Variants in NEB observed in about 807,000 individuals in gnomAD.
The protein encoded by NEB is nebulin.
Under a neutral mutation model 952.2 loss-of-function variants are expected in NEB, and 512 were observed. The observed-to-expected ratio is 0.54, with a 90% CI of 0.50 to 0.58. The LOEUF (loss-of-function observed/expected upper bound fraction) is 0.58, where lower values mean the gene tolerates loss of function less well. NEB is among the 20% of genes least tolerant of loss of function. The probability of loss-of-function intolerance (pLI) is 0.00; values close to 1 mark genes in which losing one functional copy is unlikely to be tolerated. For missense variants in NEB, 8,428 were observed against 9,231.1 expected (o/e 0.91, Z 3.56); for synonymous variants, 2,900 against 3,149.8 (o/e 0.92, Z 2.66).
In NEB at chr2:151,696,663, G is replaced by T; in HGVS notation, c.1543C>A (p.Gln515Lys). 1 of 1,613,728 alleles carries T rather than the reference G, an allele frequency of 6.2e-7. No individual in the cohort carries two copies. Among genetic ancestry groups the T allele is most frequent in the South Asian group, 1.1e-5 (1 of 91,080 alleles). ...VTDSPVLLQA[Q>K]VNSKQLSDLN... is the part of the protein sequence containing the mutation. The stretch of plus-strand genomic sequence containing the variant: ...TCACTCAGTTGTTTGGAATTGACTT[G>T]GGCTTGTAGCAGAACAGGAGAGTCT... Residue 515 changes from glutamine (Q) to lysine (K), a missense_variant, in exon 17 of 182, where the codon CAA becomes AAA. Gln to Lys is a moderately conservative substitution (Grantham distance 53). This residue lies in a region of NEB where 2,851 missense variants were observed against 2,791.5 expected (regional missense o/e 1.02). Coordinates refer to ENST00000397345, the MANE Select transcript of NEB (RefSeq NM_001164508.2).
At chr2:151,664,021 AT>A (rs5835375) in intron 44 of NEB, among the ~76,000 whole-genome samples, 162 bp from the exon 45 acceptor site, 143,368 of 151,008 alleles carry the variant, frequency 0.95, 68,440 homozygotes, top group East Asian at 1. Context: ...TTTTTACTTC[AT>A]TTTTTTTTTT....
In NEB at chr2:151,527,629, T is replaced by C. The variant is rs549712411; in HGVS notation, c.21736-44A>G. On this transcript the variant is annotated intron_variant, in intron 146 of 181. Transcript: ENST00000397345. ...AAAGGAATCACTTGATTCAGTAGGCTAAATTCATAAACACACACATGGCAC... is the reference window on the plus strand; with the variant it reads ...AAAGGAATCACTTGATTCAGTAGGCCAAATTCATAAACACACACATGGCAC... The C allele has an allele frequency of 1.6e-5, 22 of 1,403,538 alleles. No individual in the cohort carries two copies. In the African/African-American group the frequency reaches 3.0e-4, roughly 19 times the overall value. The allele number at this position is 1,403,538 out of a possible 1,614,324, so 86.9% of individuals were successfully genotyped here.
chr2:151,496,283 A>G lies in NEB; in HGVS notation c.24479T>C (p.Ile8160Thr), dbSNP rs776955893. ...MERVKHNQEN[I>T]SSVLYKENVG... ...TCTTTTCTCGCCAAGTACCGAGCTA[A>G]TATTTTCTTGATTGTGTTTGACTCG... The change falls in exon 173 of 182, where the codon ATT becomes ACT. Residue 8160 changes from isoleucine to threonine, a missense_variant. Ile to Thr is a moderately conservative substitution (Grantham distance 89). Coordinates refer to ENST00000397345, the MANE Select transcript of NEB (RefSeq NM_001164508.2). 1 of 1,607,988 alleles carries G rather than the reference A, an allele frequency of 6.2e-7. No individual in the cohort carries two copies. Among genetic ancestry groups the G allele is most frequent in the South Asian group, 1.1e-5 (1 of 90,202 alleles).
intron 176 of NEB, 95 bp from the exon 177 acceptor site, chr2:151,492,589 G>C (rs1360938481): frequency 1.1e-6 from 1 of 884,156 alleles, no homozygotes; most frequent in African/African-American, 1.7e-5. Flanking sequence ...GCTGGTGAGG[G>C]ACGCTTGGGT....
chr2:151,489,901 T>C, intron 181 of NEB, 70 bp downstream of exon 181: 1 of 1,217,172 alleles, frequency 8.2e-7, no homozygotes, highest in Middle Eastern at 1.9e-4. Context: ...TAATACCTAA[T>C]ACTTATAATC....
intron 30 of NEB, 131 bp from the exon 31 acceptor site, chr2:151,680,153 ATATT>A: frequency 4.3e-6 from 3 of 701,578 alleles, no homozygotes; most frequent in Non-Finnish European, 4.9e-6. Flanking sequence ...GTGCATTTGC[ATATT>A]CATGTGCAAA....
intron 168 of NEB, chr2:151,499,646 G>A: frequency 3.3e-6 from 1 of 305,660 alleles, no homozygotes; most frequent in South Asian, 4.0e-5. Flanking sequence ...AGGAATTAAG[G>A]AAAAAAATAC....
intron 153 of NEB, among the ~76,000 whole-genome samples, chr2:151,523,221 T>A (rs1284839439): frequency 6.6e-6 from 1 of 152,218 alleles, no homozygotes; most frequent in Non-Finnish European, 1.5e-5. Flanking sequence ...TTCAAATACT[T>A]ATACAATTCC....
intron 10 of NEB, among the ~76,000 whole-genome samples, chr2:151,715,306 A>C (rs2099756169): frequency 1.3e-5 from 2 of 152,248 alleles, no homozygotes. Context: ...TGTAATCAAC[A>C]TAAAAATATT....
chr2:151,570,209 G>C lies in NEB; in HGVS notation c.17302C>G (p.Leu5768Val). The stretch of plus-strand genomic sequence containing the variant: ...AGAGCCTGGGAATTTTTAGAGTGCA[G>C]GATGGAAAGCATGTCCACAGGGCTC... ...IQSPVDMLSI[L>V]HSKNSQALVS... is the part of the protein sequence containing the mutation. Residue 5768 changes from leucine to valine, a missense_variant, in exon 109 of 182, where the codon CTG becomes GTG. This residue lies in a region of NEB where 3,374 missense variants were observed against 3,651.5 expected (regional missense o/e 0.92). Transcript: ENST00000397345. 1 of 1,613,782 alleles carries C rather than the reference G, an allele frequency of 6.2e-7. No individual in the cohort carries two copies. Among genetic ancestry groups the C allele is most frequent in the Non-Finnish European group, 8.5e-7 (1 of 1,179,810 alleles).
At chr2:151,544,813 G>T (rs538774800) in intron 135 of NEB, among the ~76,000 whole-genome samples, 34 of 152,348 alleles carry the variant, frequency 2.2e-4, no homozygotes, top group Middle Eastern at 3.4e-3. Context: ...AGGATGAAAT[G>T]GCCTGGAAGC....
rs754222791 is a variant in NEB, at chr2:151,548,382, C to G, written c.20083G>C (p.Ala6695Pro). 6 of 1,613,542 alleles carry G rather than the reference C, an allele frequency of 3.7e-6. No homozygotes were observed. In the East Asian group the frequency reaches 1.3e-4, roughly 36 times the overall value. Residue 6695 changes from alanine (A) to proline (P), a missense_variant, in exon 131 of 182, where the codon GCA (alanine) becomes CCA (proline). Ala to Pro is a conservative substitution (Grantham distance 27, BLOSUM62 -1). Around this residue, in one of 11 missense-constraint regions of NEB, gnomAD observed 3,374 missense variants for 3,651.5 expected, o/e 0.92. Transcript: ENST00000397345. ...KYKEAYEHTKAYGYTLGPKDV... is the reference protein window; with the variant it reads ...KYKEAYEHTKPYGYTLGPKDV... ...TTGGGGCCAAGTGTATACCCATATG[C>G]CTTGGTGTGTTCATAGGCTTCTTTG... is the stretch of plus-strand genomic sequence containing the variant.
Position 151,666,273 on chromosome 2 carries a change from C to CT in NEB, c.4847dup (p.Tyr1618LeufsTer2). 1 of 1,613,894 alleles carries CT rather than the reference C, an allele frequency of 6.2e-7. No individual in the cohort carries two copies. Among genetic ancestry groups the CT allele is most frequent in the Non-Finnish European group, 8.5e-7 (1 of 1,179,842 alleles). On this transcript the variant is annotated frameshift_variant, in exon 41 of 182. Coordinates refer to ENST00000397345, the MANE Select transcript of NEB (RefSeq NM_001164508.2). LOFTEE classifies it high-confidence loss of function. ...ACTTGGTCTTGCTGGCTTCATAGCC[C>CT]TTTTTGTACTCACGATCAGACTGGA... is the stretch of plus-strand genomic sequence containing the variant.
At chr2:151,564,181 A>T (rs1334888098) in intron 117 of NEB, among the ~76,000 whole-genome samples, 2 of 151,926 alleles carry the variant, frequency 1.3e-5, no homozygotes, top group Non-Finnish European at 2.9e-5. Flanking sequence ...TTGAGACAGA[A>T]TCTTGCTCCA....
At chr2:151,534,733 G>T (rs1023385445) in intron 142 of NEB, among the ~76,000 whole-genome samples, 2 of 152,122 alleles carry the variant, frequency 1.3e-5, no homozygotes, top group African/African-American at 4.8e-5. Flanking sequence ...GTCTTCTAAT[G>T]CTATTAATTT....
intron 173 of NEB, chr2:151,495,430 A>AC (rs1489397024): frequency 7.3e-6 from 1 of 137,350 alleles, no homozygotes; most frequent in Non-Finnish European, 1.6e-5. Flanking sequence ...GGCTTCACAA[A>AC]CCCTGCACGT....
chr2:151,511,246 G>T (rs1000646087), intron 161 of NEB, among the ~76,000 whole-genome samples: 11 of 152,114 alleles, frequency 7.2e-5, no homozygotes, highest in African/African-American at 2.7e-4. Context: ...ATATCATTTT[G>T]GTAGTTTTTA....
At chr2:151,696,809 T>C (rs1576677052) in intron 16 of NEB, 74 bp from the exon 17 acceptor site, 9 of 1,015,632 alleles carry the variant, frequency 8.9e-6, no homozygotes, top group Middle Eastern at 2.0e-4. Context: ...GCCAAGCAAA[T>C]AGAACCTCAT....
chr2:151,631,129 C>T lies in NEB; in HGVS notation c.9618+14G>A. ...TCTGGCATCTTGGAGAAGCTTAAGG[C>T]AGCTAGGACTCACCTTATTCATGTT... is the stretch of plus-strand genomic sequence containing the variant. On this transcript the variant is annotated intron_variant, in intron 66 of 181. Coordinates refer to ENST00000397345, the MANE Select transcript of NEB (RefSeq NM_001164508.2). 6.2e-7 allele frequency: 1 copy of T among 1,613,428 alleles called. No individual in the cohort carries two copies. Among genetic ancestry groups the T allele is most frequent in the Non-Finnish European group, 8.5e-7 (1 of 1,179,490 alleles).
Sources: allele counts gnomAD v4.1 joint callset (sites outside exome capture counted in the v4.1 genomes callset), GRCh38; gene constraint gnomAD v4.1.1; regional missense constraint gnomAD v4.1.1; transcripts MANE v1.5; gene names NCBI Gene and HGNC (gene_info 2026-07-23, HGNC 2026-07-21).